The following FREM1 variants were observed in gnomAD, a reference collection of about 807,000 sequenced individuals.
FREM1 encodes the protein FRAS1 related extracellular matrix 1.
FREM1 carries 220 observed loss-of-function variants against 210.1 expected under a neutral mutation model. That is an observed-to-expected ratio of 1.05 (90% CI 0.94 to 1.17). The LOEUF (loss-of-function observed/expected upper bound fraction) is 1.17. Among genes scored for constraint, FREM1 ranks in the 50% most tolerant of loss-of-function variants. The pLI is 0.00. For missense variants in FREM1, 3,454 were observed against 2,675.5 expected, an observed-to-expected ratio of 1.29 and a Z score of -6.42; for synonymous variants, 1,189 against 980.2, an observed-to-expected ratio of 1.21 and a Z score of -3.98.
At chr9:14,830,925 A>G (rs1247619773) in intron 10 of FREM1, among the ~76,000 whole-genome samples, 2 of 152,222 alleles carry the variant, frequency 1.3e-5, no homozygotes, top group Admixed American at 6.5e-5. Context: ...CTTCGCCTCT[A>G]TATTAAAATA....
rs779230208 is a variant in FREM1, at chr9:14,801,751, T to C, written c.3595A>G (p.Arg1199Gly). 6.2e-7 allele frequency: 1 copy of C among 1,613,920 alleles called. No individual in the cohort carries two copies. Among genetic ancestry groups the C allele is most frequent in the Non-Finnish European group, 8.5e-7 (1 of 1,179,856 alleles). Residue 1199 changes from arginine (R) to glycine (G), a missense_variant, in exon 20 of 37, where the codon AGG becomes GGG. By Grantham distance (125) the Arg-to-Gly change is moderately radical (BLOSUM62 -2). Coordinates refer to ENST00000380880, the MANE Select transcript of FREM1 (RefSeq NM_001379081.2). ...TCAGAGAAGTCTTTGCTAAACCCCCTATCGATGAGGAGGCCATGGCGTGGC... is the reference window on the plus strand; with the variant it reads ...TCAGAGAAGTCTTTGCTAAACCCCCCATCGATGAGGAGGCCATGGCGTGGC... ...QKPRHGLLID[R>G]GFSKDFSENK...
At chr9:14,751,201 G>T (rs2132074659) in intron 29 of FREM1, among the ~76,000 whole-genome samples, 1 of 152,296 alleles carries the variant, frequency 6.6e-6, no homozygotes, top group South Asian at 2.1e-4. Context: ...TCAACTTTAA[G>T]AGGAATAAAC....
intron 1 of FREM1, among the ~76,000 whole-genome samples, chr9:14,872,348 C>T (rs1437760050): frequency 6.6e-6 from 1 of 152,000 alleles, no homozygotes; most frequent in African/African-American, 2.4e-5. Context: ...TTTCATTGAG[C>T]AGTGGTTTGT....
At chr9:14,837,034 C>T (rs548213906) in intron 10 of FREM1, among the ~76,000 whole-genome samples, 1 of 152,160 alleles carries the variant, frequency 6.6e-6, no homozygotes, top group Non-Finnish European at 1.5e-5. Context: ...ATGCAAATGC[C>T]GGCCATTAGA....
chr9:14,770,852 C>A (rs747272939), intron 25 of FREM1, 46 bp from the exon 26 acceptor site: 2 of 1,418,200 alleles, frequency 1.4e-6, no homozygotes, highest in Admixed American at 1.9e-5. Flanking sequence ...AGGCCCCTCA[C>A]CCCCATGCAA....
rs1037733024 is a variant in FREM1 at position 14,909,898 on chromosome 9, T to G, written c.-268+16A>C. On this transcript the variant is annotated intron_variant, in intron 1 of 36. Transcript: ENST00000380880. ...CACAGTCACAATGAAAAGAAACACATAAAACAGATACTTACAGGTAGTGGT... is the reference window on the plus strand; with the variant it reads ...CACAGTCACAATGAAAAGAAACACAGAAAACAGATACTTACAGGTAGTGGT... 6.6e-6 allele frequency: 1 copy of G among 152,232 alleles called. No individual in the cohort carries two copies. Among genetic ancestry groups the G allele is most frequent in the Non-Finnish European group, 1.5e-5 (1 of 68,048 alleles). The allele number at this position is 152,232 out of a possible 1,614,324, so 9.4% of individuals were successfully genotyped here.
intron 36 of FREM1, 48 bp from the exon 37 acceptor site, chr9:14,737,643 C>T (rs968723632): frequency 2.7e-5 from 37 of 1,367,076 alleles, no homozygotes; most frequent in Middle Eastern, 1.9e-4. Context: ...TGCGTTTATA[C>T]TTAGATATCA....
chr9:14,903,702 T>A (rs1034733157), intron 1 of FREM1, among the ~76,000 whole-genome samples: 1 of 152,260 alleles, frequency 6.6e-6, no homozygotes, highest in African/African-American at 2.4e-5. Flanking sequence ...CACTGTCCGC[T>A]GCATGTAATA....
chr9:14,764,653 G>T (rs1472811303), intron 27 of FREM1, among the ~76,000 whole-genome samples: 1 of 152,166 alleles, frequency 6.6e-6, no homozygotes, highest in African/African-American at 2.4e-5. Flanking sequence ...GCTGAGAGAG[G>T]CCTGGGGTGC....
Position 14,884,968 on chromosome 9 carries a change from A to G in FREM1, c.-267-15724T>C, listed in dbSNP as rs1203604406. On this transcript the variant is annotated intron_variant, in intron 1 of 36. Coordinates refer to ENST00000380880, the MANE Select transcript of FREM1 (RefSeq NM_001379081.2). ...GAGACGGAGTCTCGCTCTGTCGCCC[A>G]GGCTGGAGTGCAGTGGTGCGATCTC... Among the ~76,000 whole-genome samples, 5 of 105,672 alleles carry G rather than the reference A, an allele frequency of 4.7e-5. 1 individual carries two copies. The highest frequency in any genetic ancestry group is 6.6e-5 in the Non-Finnish European group (4 of 60,746). 69.3% of individuals were successfully genotyped at this position (105,672 alleles called of 152,430 possible). A position where few individuals can be genotyped will look rare whatever the true frequency, so the allele number is the denominator to read the frequency against.
Position 14,808,980 on chromosome 9 carries a change from C to T in FREM1, c.2894-846G>A, listed in dbSNP as rs140249897. Among the ~76,000 whole-genome samples the T allele has an allele frequency of 4.2e-3, 637 of 152,268 alleles. 2 individuals carry two copies. Among genetic ancestry groups the T allele is most frequent in the African/African-American group, 0.014 (584 of 41,550 alleles). On this transcript the variant is annotated intron_variant, in intron 16 of 36. Transcript: ENST00000380880. The stretch of plus-strand genomic sequence containing the variant: ...TGAAAATCTCAAGAAGGCAGTGATA[C>T]GGTTTGGTTGTTCCCCCGCTCAAAT...
intron 25 of FREM1, 62 bp from the exon 26 acceptor site, chr9:14,770,868 G>A: frequency 8.2e-7 from 1 of 1,213,058 alleles, no homozygotes; most frequent in East Asian, 2.5e-5. Context: ...TGCAACGTTG[G>A]GCTTTATTGG....
chr9:14,769,828 G>GT lies in FREM1; in HGVS notation c.5099dup (p.Asn1700LysfsTer3). On this transcript the variant is annotated frameshift_variant, in exon 27 of 37. Coordinates refer to ENST00000380880, the MANE Select transcript of FREM1 (RefSeq NM_001379081.2). LOFTEE classifies it high-confidence loss of function. ...TTATGATGTAAAGAATAGTCTTACT[G>GT]TTTAAGTCCTTTTGGCTAAATTTCT... The GT allele has an allele frequency of 6.3e-7, 1 of 1,593,896 alleles. No individual in the cohort carries two copies. Among genetic ancestry groups the GT allele is most frequent in the Non-Finnish European group, 8.6e-7 (1 of 1,168,500 alleles).
At chr9:14,853,074 C>T (rs1206908897) in intron 5 of FREM1, among the ~76,000 whole-genome samples, 1 of 152,150 alleles carries the variant, frequency 6.6e-6, no homozygotes, top group Non-Finnish European at 1.5e-5. Context: ...ACCTTCAACA[C>T]CAAACATTGG....
At chr9:14,904,319 T>G (rs889360124) in intron 1 of FREM1, among the ~76,000 whole-genome samples, 85 of 152,190 alleles carry the variant, frequency 5.6e-4, no homozygotes, top group African/African-American at 2.0e-3. Flanking sequence ...AACAAAGATA[T>G]AGAAGACAAG....
chr9:14,808,313 CA>C (rs1188080377), intron 16 of FREM1, among the ~76,000 whole-genome samples, 179 bp from the exon 17 acceptor site: 1 of 152,080 alleles, frequency 6.6e-6, no homozygotes, highest in Non-Finnish European at 1.5e-5. Flanking sequence ...GAAAATAATG[CA>C]AAAATTCTTG....
chr9:14,741,253 A>C (rs1451308089), intron 35 of FREM1, among the ~76,000 whole-genome samples: 2 of 152,220 alleles, frequency 1.3e-5, no homozygotes, highest in Non-Finnish European at 2.9e-5. Context: ...TGTTAAATTT[A>C]ATTTTATTTA....
chr9:14,800,737 T>C (rs1017290165), intron 20 of FREM1, among the ~76,000 whole-genome samples: 3 of 152,182 alleles, frequency 2.0e-5, no homozygotes, highest in Non-Finnish European at 4.4e-5. Context: ...GCCTTTTCAA[T>C]TACCTACTAC....
chr9:14,846,052 C>T lies in FREM1; in HGVS notation c.1301G>A (p.Trp434Ter). Reference protein sequence around the residue: ...LLEGQSRAITWEQFQVVDNDD... With the variant: ...LLEGQSRAIT ...ATTGTCGACAACCTGAAACTGTTCC[C>T]AAGTGATGGCTCGAGACTGCCCCTC... Residue 434 changes from tryptophan (W) to a stop codon, truncating the protein, a stop_gained, in exon 8 of 37, where the codon TGG becomes TAG. Coordinates refer to ENST00000380880, the MANE Select transcript of FREM1 (RefSeq NM_001379081.2). LOFTEE classifies it high-confidence loss of function. 1 of 1,601,394 alleles carries T rather than the reference C, an allele frequency of 6.2e-7. No homozygotes were observed. The highest frequency in any genetic ancestry group is 8.5e-7 in the Non-Finnish European group (1 of 1,173,320).
Sources: allele counts gnomAD v4.1 joint callset (sites outside exome capture counted in the v4.1 genomes callset), GRCh38; gene constraint gnomAD v4.1.1; transcripts MANE v1.5; gene names NCBI Gene and HGNC (gene_info 2026-07-23, HGNC 2026-07-21).